The following RASGRF2 variants were observed in gnomAD, a reference collection of about 807,000 sequenced individuals.
RASGRF2 encodes the protein ras-specific guanine nucleotide-releasing factor 2.
Under a neutral mutation model 151.0 loss-of-function variants are expected in RASGRF2, and 76 were observed. The ratio of observed to expected loss-of-function variants is 0.50; its 90% CI spans 0.42 to 0.61. The LOEUF is 0.61. RASGRF2 is among the 20% of genes least tolerant of loss of function. The pLI is 0.00. For missense variants in RASGRF2, 1,148 were observed against 1,564.6 expected, an observed-to-expected ratio of 0.73 and a Z score of 4.49; for synonymous variants, 504 against 566.5, an observed-to-expected ratio of 0.89 and a Z score of 1.57.
At chr5:81,125,863 C>CTCCT (rs1753439385) in intron 16 of RASGRF2, among the ~76,000 whole-genome samples, 2 of 152,198 alleles carry the variant, frequency 1.3e-5, no homozygotes, top group Non-Finnish European at 2.9e-5. Context: ...AGGCTGAAAC[C>CTCCT]TGTGATAATA....
chr5:81,126,553 T>C (rs1753460038), intron 16 of RASGRF2, among the ~76,000 whole-genome samples: 2 of 152,228 alleles, frequency 1.3e-5, no homozygotes, highest in South Asian at 4.1e-4. Flanking sequence ...TAGCGGTCAC[T>C]CTCCATTCCC....
chr5:81,170,670 C>T (rs530672243), intron 17 of RASGRF2, among the ~76,000 whole-genome samples: 16 of 152,184 alleles, frequency 1.1e-4, no homozygotes, highest in African/African-American at 2.2e-4. Flanking sequence ...TTCCCCAGCC[C>T]GAGCTAGCTA....
chr5:81,081,244 C>T (rs185793071), intron 7 of RASGRF2, among the ~76,000 whole-genome samples: 2 of 152,204 alleles, frequency 1.3e-5, no homozygotes, highest in Admixed American at 1.3e-4. Context: ...CTTCCTGTCG[C>T]GGTTGCTGTT....
At chr5:81,072,186 A>G (rs1436224862) in intron 4 of RASGRF2, among the ~76,000 whole-genome samples, 4 of 152,182 alleles carry the variant, frequency 2.6e-5, no homozygotes, top group Non-Finnish European at 5.9e-5. Context: ...ATAGACTAAA[A>G]CTTAAAATTG....
chr5:81,036,362 A>T (rs934707963), intron 1 of RASGRF2, among the ~76,000 whole-genome samples: 3 of 152,136 alleles, frequency 2.0e-5, no homozygotes, highest in Admixed American at 6.5e-5. Context: ...TAATTTTGGT[A>T]AAATCAGTAA....
chr5:81,010,395 A>G (rs1749419053), intron 1 of RASGRF2, among the ~76,000 whole-genome samples: 1 of 152,222 alleles, frequency 6.6e-6, no homozygotes. Flanking sequence ...GTATTTTTAC[A>G]ATGAAAAAAG....
intron 22 of RASGRF2, among the ~76,000 whole-genome samples, chr5:81,210,763 G>A (rs1387200255): frequency 6.6e-6 from 1 of 152,128 alleles, no homozygotes. Flanking sequence ...GCCTCTCCCA[G>A]TCCTTGTGCC....
chr5:81,209,603 C>A (rs964066392), intron 22 of RASGRF2, among the ~76,000 whole-genome samples: 2 of 152,144 alleles, frequency 1.3e-5, no homozygotes, highest in Non-Finnish European at 2.9e-5. Flanking sequence ...GCTTCAGTGC[C>A]GCTGCTGCCT....
chr5:81,159,484 T>C (rs1395393776), intron 17 of RASGRF2, among the ~76,000 whole-genome samples: 1 of 152,260 alleles, frequency 6.6e-6, no homozygotes, highest in Non-Finnish European at 1.5e-5. Flanking sequence ...ACGATTCCTT[T>C]ACGGGATGTT....
intron 1 of RASGRF2, among the ~76,000 whole-genome samples, chr5:81,037,514 A>C (rs888843297): frequency 7.9e-5 from 12 of 152,106 alleles, no homozygotes; most frequent in African/African-American, 2.9e-4. Context: ...AAATTTCATG[A>C]TGATGTCCCT....
chr5:81,034,812 G>GT (rs916587312), intron 1 of RASGRF2, among the ~76,000 whole-genome samples: 2 of 131,114 alleles, frequency 1.5e-5, no homozygotes, highest in African/African-American at 5.9e-5. Flanking sequence ...GGTGGGAGGG[G>GT]GGTAGGGATA....
chr5:81,188,761 C>G (rs902479101), intron 18 of RASGRF2, among the ~76,000 whole-genome samples: 4 of 152,206 alleles, frequency 2.6e-5, no homozygotes, highest in African/African-American at 7.2e-5. Context: ...GAAGCTCAGA[C>G]TGAACCATTT....
At chr5:81,072,386 C>T (rs937044654) in intron 4 of RASGRF2, among the ~76,000 whole-genome samples, 2 of 151,992 alleles carry the variant, frequency 1.3e-5, no homozygotes, top group Non-Finnish European at 2.9e-5. Context: ...AAAGAAGGGT[C>T]GTTGTTTAAT....
Position 81,042,861 on chromosome 5 carries a change from T to G in RASGRF2, c.289-16T>G. 6.4e-7 allele frequency: 1 copy of G among 1,572,268 alleles called. No homozygotes were observed. Among genetic ancestry groups the G allele is most frequent in the Middle Eastern group, 2.0e-4 (1 of 5,100 alleles). ...AAAAATAGAACTAAGTTTTTTGTGT[T>G]TCTTTTTCTTTCCAGTATTACTTTA... On this transcript the variant is annotated splice_polypyrimidine_tract_variant and intron_variant, in intron 1 of 26. Coordinates refer to ENST00000265080, the MANE Select transcript of RASGRF2 (RefSeq NM_006909.3).
chr5:80,999,977 A>C (rs1749026174), intron 1 of RASGRF2, among the ~76,000 whole-genome samples: 2 of 152,176 alleles, frequency 1.3e-5, no homozygotes, highest in South Asian at 4.1e-4. Flanking sequence ...CATGATGGGG[A>C]GGTCTCTTCT....
intron 1 of RASGRF2, among the ~76,000 whole-genome samples, chr5:80,995,395 TATATACAC>T (rs756958582): frequency 1.5e-3 from 79 of 53,358 alleles, no homozygotes; most frequent in Admixed American, 3.0e-3. Context: ...TATATATATA[TATATACAC>T]ACACACACAC....
At chr5:81,214,441 C>T (rs1356343601) in intron 23 of RASGRF2, among the ~76,000 whole-genome samples, 2 of 152,180 alleles carry the variant, frequency 1.3e-5, no homozygotes, top group Non-Finnish European at 2.9e-5. Context: ...TACAGCTGTC[C>T]CTTCTCTGCA....
chr5:81,035,668 C>G (rs966282250), intron 1 of RASGRF2, among the ~76,000 whole-genome samples: 1 of 151,036 alleles, frequency 6.6e-6, no homozygotes, highest in African/African-American at 2.4e-5. Flanking sequence ...ATGCTAGATA[C>G]AGCTGAATAG....
chr5:81,129,899 C>A (rs1178255538), intron 17 of RASGRF2, among the ~76,000 whole-genome samples: 1 of 152,112 alleles, frequency 6.6e-6, no homozygotes, highest in Admixed American at 6.5e-5. Flanking sequence ...GAGCCCATTC[C>A]CCATTTGCTG....
Sources: allele counts gnomAD v4.1 joint callset (sites outside exome capture counted in the v4.1 genomes callset), GRCh38; gene constraint gnomAD v4.1.1; transcripts MANE v1.5; gene names NCBI Gene and HGNC (gene_info 2026-07-23, HGNC 2026-07-21).